Variants in RPS6KC1 observed in about 807,000 individuals in gnomAD.
RPS6KC1 encodes the protein ribosomal protein S6 kinase C1, also known as inactive ribosomal protein S6 kinase delta-1.
In RPS6KC1, 54 loss-of-function variants were observed where a neutral mutation model predicts 103.8. That is an observed-to-expected ratio of 0.52 (90% confidence interval 0.42 to 0.65). RPS6KC1 has a LOEUF of 0.65. Ranked by LOEUF, RPS6KC1 falls within the 30% of genes least tolerant of loss-of-function variation. The probability of loss-of-function intolerance (pLI) is 0.00; values close to 1 mark genes in which losing one functional copy is unlikely to be tolerated. For synonymous variants in RPS6KC1, 439 were observed against 438.7 expected, an observed-to-expected ratio of 1.00 and a Z score of -0.01; for missense variants, 1,151 against 1,253.8, an observed-to-expected ratio of 0.92 and a Z score of 1.24.
the RPS6KC1 span, among the ~76,000 whole-genome samples, chr1:213,425,101 G>A: frequency 6.6e-6 from 1 of 151,880 alleles, no homozygotes; most frequent in African/African-American, 2.4e-5. Flanking sequence ...GAGGATGGCC[G>A]CCCGCTCACC....
the RPS6KC1 span, among the ~76,000 whole-genome samples, chr1:213,519,805 T>G: frequency 1.3e-5 from 2 of 152,236 alleles, no homozygotes. Context: ...GAGCATTGAT[T>G]GTCAGCTCTG....
At chr1:213,218,859 A>C (rs1403057039) in intron 8 of RPS6KC1, among the ~76,000 whole-genome samples, 1 of 152,164 alleles carries the variant, frequency 6.6e-6, no homozygotes, top group African/African-American at 2.4e-5. Context: ...ACACCTTATA[A>C]AAAAATTAAA....
At chr1:213,605,105 G>C in the RPS6KC1 span, among the ~76,000 whole-genome samples, 1 of 152,058 alleles carries the variant, frequency 6.6e-6, no homozygotes, top group Non-Finnish European at 1.5e-5. Context: ...TCTCTGTCAT[G>C]GTGCCCTTAG....
chr1:213,654,894 G>A, the RPS6KC1 span, among the ~76,000 whole-genome samples: 1 of 152,186 alleles, frequency 6.6e-6, no homozygotes. Flanking sequence ...CATTTCAAGA[G>A]ATGTTTTTCA....
chr1:213,106,828 G>A (rs2082545894), intron 4 of RPS6KC1, among the ~76,000 whole-genome samples: 1 of 152,016 alleles, frequency 6.6e-6, no homozygotes, highest in South Asian at 2.1e-4. Flanking sequence ...CTCTTCACTG[G>A]TTGTTTATTT....
the RPS6KC1 span, among the ~76,000 whole-genome samples, chr1:213,528,625 T>A: frequency 1.7e-4 from 26 of 152,314 alleles, no homozygotes; most frequent in African/African-American, 6.0e-4. Flanking sequence ...CTCCTTCCAC[T>A]CTCTGTGTCC....
the RPS6KC1 span, among the ~76,000 whole-genome samples, chr1:213,419,821 G>A: frequency 6.6e-6 from 1 of 152,236 alleles, no homozygotes. Context: ...CTTTGTTCCA[G>A]TGGAAATCTG....
the RPS6KC1 span, among the ~76,000 whole-genome samples, chr1:213,461,506 A>C: frequency 6.6e-6 from 1 of 152,248 alleles, no homozygotes; most frequent in Admixed American, 6.5e-5. Flanking sequence ...AGCTGGAGGC[A>C]TCATGCTACC....
intron 8 of RPS6KC1, among the ~76,000 whole-genome samples, chr1:213,211,083 T>A (rs570407601): frequency 6.6e-6 from 1 of 152,338 alleles, no homozygotes; most frequent in Non-Finnish European, 1.5e-5. Flanking sequence ...ATCAGAGTAT[T>A]TGGTTTTTCT....
chr1:213,739,785 A>G, the RPS6KC1 span, among the ~76,000 whole-genome samples: 6 of 152,244 alleles, frequency 3.9e-5, no homozygotes, highest in Non-Finnish European at 7.3e-5. Context: ...GCAAATCTTC[A>G]GTTAAGTGCT....
intron 4 of RPS6KC1, among the ~76,000 whole-genome samples, chr1:213,107,813 T>A (rs2082640773): frequency 6.6e-6 from 1 of 152,350 alleles, no homozygotes. Flanking sequence ...TCTGATTTTT[T>A]AACTGTAGCC....
the RPS6KC1 span, among the ~76,000 whole-genome samples, chr1:213,853,328 A>T: frequency 6.6e-6 from 1 of 152,180 alleles, no homozygotes; most frequent in Non-Finnish European, 1.5e-5. Context: ...ATGATTCATG[A>T]TGTTCTCTGG....
chr1:213,261,547 G>T lies in RPS6KC1; in HGVS notation c.2912-11G>T, dbSNP rs2094797451. The T allele has an allele frequency of 6.2e-7, 1 of 1,610,296 alleles. No homozygotes were observed. The highest frequency in any genetic ancestry group is 8.5e-7 in the Non-Finnish European group (1 of 1,177,616). On this transcript the variant is annotated splice_polypyrimidine_tract_variant and intron_variant, in intron 12 of 14. Transcript: ENST00000366960. ...TGGAATTTTAATATCAACCTTTTTT[G>T]GTGTGGTTAGAGGTTGGAGCAATCA... is the stretch of plus-strand genomic sequence containing the variant.
At chr1:213,312,301 G>A in the RPS6KC1 span, among the ~76,000 whole-genome samples, 1 of 152,166 alleles carries the variant, frequency 6.6e-6, no homozygotes, top group Non-Finnish European at 1.5e-5. Flanking sequence ...CTTCTCAGGG[G>A]CACTTAGGTG....
the RPS6KC1 span, chr1:213,731,275 T>G: frequency 2.6e-4 from 40 of 152,332 alleles, no homozygotes; most frequent in African/African-American, 9.4e-4. Flanking sequence ...TTTTTCTAGT[T>G]CTGTGAAGAA....
the RPS6KC1 span, among the ~76,000 whole-genome samples, chr1:213,401,900 C>A: frequency 6.6e-6 from 1 of 152,100 alleles, no homozygotes; most frequent in South Asian, 2.1e-4. Flanking sequence ...GATTCTCCAA[C>A]CTCAGCCTCC....
chr1:213,350,281 A>G, the RPS6KC1 span, among the ~76,000 whole-genome samples: 1 of 152,212 alleles, frequency 6.6e-6, no homozygotes, highest in Non-Finnish European at 1.5e-5. Flanking sequence ...TGCAGTGGGA[A>G]CTGACCTGGT....
At chr1:213,507,548 CA>C in the RPS6KC1 span, among the ~76,000 whole-genome samples, 5 of 127,266 alleles carry the variant, frequency 3.9e-5, no homozygotes, top group Admixed American at 3.7e-4. Flanking sequence ...TCAACCCTCT[CA>C]TTTTTTTTTT....
chr1:213,443,032 G>T, the RPS6KC1 span, among the ~76,000 whole-genome samples: 21 of 151,806 alleles, frequency 1.4e-4, no homozygotes, highest in Admixed American at 7.2e-4. Flanking sequence ...GACACTATTA[G>T]ATGCAGAATT....
Sources: gnomAD v4.1 joint callset for allele counts (sites outside exome capture counted in the v4.1 genomes callset) on GRCh38, gnomAD v4.1.1 for gene constraint, MANE v1.5 for transcripts, NCBI Gene and HGNC (gene_info 2026-07-23, HGNC 2026-07-21) for gene names.